ZNHIT6: variants seen among roughly 807,000 people sequenced by gnomAD.
ZNHIT6 encodes the protein zinc finger HIT-type containing 6.
A neutral mutation model predicts 57.2 loss-of-function variants in ZNHIT6; 45 were observed. The observed-to-expected ratio is 0.79, with a 90% CI of 0.62 to 1.01. The LOEUF is 1.01. Ranked by LOEUF, ZNHIT6 falls within the 50% of genes least tolerant of loss-of-function variation. ZNHIT6 has a pLI of 0.00. For missense variants in ZNHIT6, 528 were observed against 567.3 expected (o/e 0.93, Z 0.70); for synonymous variants, 188 against 190.0 (o/e 0.99, Z 0.09).
At chr1:85,689,436 T>A (rs1662152641) in intron 5 of ZNHIT6, among the ~76,000 whole-genome samples, 1 of 152,198 alleles carries the variant, frequency 6.6e-6, no homozygotes, top group Non-Finnish European at 1.5e-5. Flanking sequence ...TGGTATAGAT[T>A]AAATGACTAG....
At position 85,657,889 on chromosome 1, in the gene ZNHIT6, C is replaced by T. The variant is rs748080743; in HGVS notation, c.1330G>A (p.Val444Ile). 1.9e-6 allele frequency: 3 copies of T among 1,607,338 alleles called. No homozygotes were observed. Among genetic ancestry groups the T allele is most frequent in the East Asian group, 2.2e-5 (1 of 44,584 alleles). The change falls in exon 9 of 10, where the codon GTA (valine) becomes ATA (isoleucine). Residue 444 changes from valine (V) to isoleucine (I), a missense_variant. Val to Ile is a conservative substitution (Grantham distance 29, BLOSUM62 3). Transcript: ENST00000370574. ...ATGTCATTATTGGATCCTTTCAATA[C>T]CACATGTAATGTTGGATACTCAATG... ...VIIEYPTLHV[V>I]LKGSNNDMKV...
At chr1:85,679,958 C>A (rs1661823493) in intron 6 of ZNHIT6, among the ~76,000 whole-genome samples, 1 of 152,230 alleles carries the variant, frequency 6.6e-6, no homozygotes, top group Non-Finnish European at 1.5e-5. Flanking sequence ...GTAATTCCGA[C>A]ATTTTGGGAG....
chr1:85,683,524 GAAA>G (rs1200395551), intron 5 of ZNHIT6, among the ~76,000 whole-genome samples: 1 of 124,324 alleles, frequency 8.0e-6, no homozygotes. Flanking sequence ...TTCCGTCACA[GAAA>G]AAAAAAAAAA....
rs1661396594 is a variant in ZNHIT6 at position 85,667,367 on chromosome 1, C to A, written c.1248-9396G>T. 2.0e-5 allele frequency among the ~76,000 whole-genome samples: 3 copies of A among 152,096 alleles called. No individual in the cohort carries two copies. In the South Asian group the frequency reaches 6.2e-4, roughly 32 times the overall value. ...TAACCTTGATTTTAAATAACTCTTG[C>A]AGGAAACAATTCTTGTGTGTGTTTG... On this transcript the variant is annotated intron_variant, in intron 8 of 9. Transcript: ENST00000370574.
At chr1:85,664,361 T>C (rs1256061261) in intron 8 of ZNHIT6, among the ~76,000 whole-genome samples, 2 of 152,200 alleles carry the variant, frequency 1.3e-5, no homozygotes, top group African/African-American at 4.8e-5. Flanking sequence ...GATTGCACTG[T>C]GAAATTCTTG....
chr1:85,703,079 T>C (rs1022072518), intron 4 of ZNHIT6, among the ~76,000 whole-genome samples: 4 of 152,180 alleles, frequency 2.6e-5, no homozygotes, highest in African/African-American at 9.7e-5. Context: ...AGAAATTACA[T>C]GTAATTTTAT....
chr1:85,667,961 A>AAAAAAAAAAAAAAAAATGTATATATATAT lies in ZNHIT6; in HGVS notation c.1247+9274_1247+9275insATATATATATACATTTTTTTTTTTTTTTT. On this transcript the variant is annotated intron_variant, in intron 8 of 9. Coordinates refer to ENST00000370574, the MANE Select transcript of ZNHIT6 (RefSeq NM_017953.4). ...ACTCTCTCTTTCAAAAAAAAAAAAA[A>AAAAAAAAAAAAAAAAATGTATATATATAT]ATATATATATATATATATATATATG... 3.1e-3 allele frequency among the ~76,000 whole-genome samples: 56 copies of AAAAAAAAAAAAAAAAATGTATATATATAT among 18,188 alleles called. 13 individuals are homozygous for AAAAAAAAAAAAAAAAATGTATATATATAT. The highest frequency in any genetic ancestry group is 0.01 in the East Asian group (6 of 580). The allele number at this position is 18,188 out of a possible 152,430, so 11.9% of individuals were successfully genotyped here.
intron 6 of ZNHIT6, among the ~76,000 whole-genome samples, chr1:85,679,607 CAG>C (rs1661810410): frequency 7.4e-6 from 1 of 134,348 alleles, no homozygotes; most frequent in Non-Finnish European, 1.5e-5. Context: ...GTTGTTGAGA[CAG>C]AGTCTTGCTC....
intron 5 of ZNHIT6, among the ~76,000 whole-genome samples, chr1:85,686,480 C>T (rs1211959445): frequency 1.2e-4 from 18 of 152,082 alleles, no homozygotes; most frequent in Admixed American, 1.2e-3. Flanking sequence ...GGAGGCTAAA[C>T]TCAAAGAATG....
chr1:85,692,331 C>T (rs750371075), intron 5 of ZNHIT6, among the ~76,000 whole-genome samples: 1 of 152,180 alleles, frequency 6.6e-6, no homozygotes, highest in Non-Finnish European at 1.5e-5. Flanking sequence ...CTAATTATTG[C>T]TGTGGAAAGT....
Position 85,671,078 on chromosome 1 carries a change from G to T in ZNHIT6, c.1247+6158C>A, listed in dbSNP as rs140038078. Among the ~76,000 whole-genome samples the T allele has an allele frequency of 3.5e-4, 54 of 152,292 alleles. 1 individual carries two copies. Among genetic ancestry groups the T allele is most frequent in the African/African-American group, 1.2e-3 (51 of 41,566 alleles). ...AGATAGCTGGAAACCAAGATTTGGA[G>T]GTTGGGAGAAAGGTTAAAACTATAT... On this transcript the variant is annotated intron_variant, in intron 8 of 9. Transcript: ENST00000370574.
chr1:85,698,470 CT>C (rs1307095217), intron 5 of ZNHIT6, among the ~76,000 whole-genome samples: 3 of 152,100 alleles, frequency 2.0e-5, no homozygotes, highest in East Asian at 3.9e-4. Flanking sequence ...ACATTTAAAA[CT>C]TTTTTTAAAA....
Position 85,653,908 on chromosome 1 carries a change from T to C in ZNHIT6, c.*150A>G, listed in dbSNP as rs1660983560. On this transcript the variant is annotated 3_prime_UTR_variant, in exon 10 of 10. Coordinates refer to ENST00000370574, the MANE Select transcript of ZNHIT6 (RefSeq NM_017953.4). Reference sequence around the variant, plus strand: ...TCAATTAATTCAAGAGGTTATAAAATACATTTTTTAAAAGAGTTAAGCTTA... The same window carrying C: ...TCAATTAATTCAAGAGGTTATAAAACACATTTTTTAAAAGAGTTAAGCTTA... 3.2e-6 allele frequency: 2 copies of C among 628,564 alleles called. No individual in the cohort carries two copies. Among genetic ancestry groups the C allele is most frequent in the Non-Finnish European group, 5.5e-6 (2 of 360,626 alleles). The allele number at this position is 628,564 out of a possible 1,614,324, so 38.9% of individuals were successfully genotyped here. A position where few individuals can be genotyped will look rare whatever the true frequency, so the allele number is the denominator to read the frequency against.
At chr1:85,675,978 G>A (rs1047506656) in intron 8 of ZNHIT6, among the ~76,000 whole-genome samples, 9 of 152,194 alleles carry the variant, frequency 5.9e-5, no homozygotes, top group Non-Finnish European at 7.4e-5. Context: ...TTTGGCTTAA[G>A]GGAATGTTCG....
In ZNHIT6 at chr1:85,687,308, A is replaced by AAAAC. The variant is rs1557861227; in HGVS notation, c.1020-6408_1020-6405dup. Among the ~76,000 whole-genome samples the AAAAC allele has an allele frequency of 1.4e-4, 21 of 145,134 alleles. 1 individual carries two copies. Among genetic ancestry groups the AAAAC allele is most frequent in the African/African-American group, 5.3e-4 (21 of 39,820 alleles). ...AAAAACAAAAAAAAAACAAAAAAAA[A>AAAAC]AAACAATTTAGAACCCAGTACTCAA... On this transcript the variant is annotated intron_variant, in intron 5 of 9. Transcript: ENST00000370574.
intron 4 of ZNHIT6, among the ~76,000 whole-genome samples, chr1:85,703,829 A>G (rs951840660): frequency 6.6e-6 from 1 of 152,206 alleles, no homozygotes; most frequent in African/African-American, 2.4e-5. Flanking sequence ...GACACTATAA[A>G]ATGAAAAGAC....
rs756464024 is a variant in ZNHIT6, at chr1:85,702,226, C to G, written c.950G>C (p.Gly317Ala). The stretch of plus-strand genomic sequence containing the variant: ...ATTGGGTAGAAGTTTTAAGTTAATA[C>G]CTTGCCTCCGGGCACGATTTTTCAT... ...YFMKNRARRQGINLKLLPNGF... is the reference protein window; with the variant it reads ...YFMKNRARRQAINLKLLPNGF... Residue 317 changes from glycine (G) to alanine (A), a missense_variant, in exon 5 of 10, where the codon GGT becomes GCT. Coordinates refer to ENST00000370574, the MANE Select transcript of ZNHIT6 (RefSeq NM_017953.4). 11 of 1,608,158 alleles carry G rather than the reference C, an allele frequency of 6.8e-6. No individual in the cohort carries two copies. The Admixed American group carries it at 1.0e-4, about 15-fold the overall frequency.
intron 5 of ZNHIT6, among the ~76,000 whole-genome samples, chr1:85,699,230 C>A (rs889734723): frequency 3.3e-5 from 5 of 152,096 alleles, no homozygotes; most frequent in Non-Finnish European, 7.4e-5. Context: ...CCATTGCAAT[C>A]ATCTAAAACC....
chr1:85,663,066 T>C (rs1661271217), intron 8 of ZNHIT6, among the ~76,000 whole-genome samples: 1 of 152,182 alleles, frequency 6.6e-6, no homozygotes. Flanking sequence ...TTATGAGCTA[T>C]AACTCCACAA....
Sources: gnomAD v4.1 joint callset for allele counts (sites outside exome capture counted in the v4.1 genomes callset) on GRCh38, gnomAD v4.1.1 for gene constraint, MANE v1.5 for transcripts, NCBI Gene and HGNC (gene_info 2026-07-23, HGNC 2026-07-21) for gene names.